The following PTPN13 variants were observed in gnomAD, a reference collection of about 807,000 sequenced individuals.
PTPN13 encodes the protein tyrosine-protein phosphatase non-receptor type 13.
Under a neutral mutation model 284.0 loss-of-function variants are expected in PTPN13, and 191 were observed. That is an observed-to-expected ratio of 0.67 (90% CI 0.60 to 0.76). PTPN13 has a LOEUF of 0.76. PTPN13 is among the 30% of genes least tolerant of loss of function. The pLI, the probability that PTPN13 is intolerant of heterozygous loss-of-function variation, is 0.00. For synonymous variants in PTPN13, 986 were observed against 1,022.3 expected, an observed-to-expected ratio of 0.96 and a Z score of 0.68; for missense variants, 2,797 against 2,939.9, an observed-to-expected ratio of 0.95 and a Z score of 1.12.
chr4:86,683,761 T>C (rs951755376), intron 3 of PTPN13, among the ~76,000 whole-genome samples: 1 of 152,212 alleles, frequency 6.6e-6, no homozygotes, highest in African/African-American at 2.4e-5. Flanking sequence ...ATTATTAACA[T>C]ATAGTAACTC....
chr4:86,765,821 T>C (rs1016507994), intron 26 of PTPN13, among the ~76,000 whole-genome samples: 3 of 151,942 alleles, frequency 2.0e-5, no homozygotes, highest in Non-Finnish European at 4.4e-5. Flanking sequence ...TACACTTGTT[T>C]TTTTTGTTGT....
At chr4:86,760,141 A>G (rs538040019) in intron 23 of PTPN13, among the ~76,000 whole-genome samples, 4 of 152,308 alleles carry the variant, frequency 2.6e-5, no homozygotes, top group Admixed American at 1.3e-4. Flanking sequence ...GTATGTCTGT[A>G]TATGTACACA....
intron 7 of PTPN13, among the ~76,000 whole-genome samples, chr4:86,705,730 T>TA (rs1554316425): frequency 1.3e-5 from 2 of 152,050 alleles, no homozygotes; most frequent in Non-Finnish European, 2.9e-5. Context: ...TAAGATCACA[T>TA]AATGAGTTAA....
rs192691608 is a variant in PTPN13 at position 86,803,190 on chromosome 4, T to C, written c.6506-519T>C. Reference sequence around the variant, plus strand: ...ATATACACATACATACATATATATTTATTGTGTATATATATACACACACAT... The same window carrying C: ...ATATACACATACATACATATATATTCATTGTGTATATATATACACACACAT... On this transcript the variant is annotated intron_variant, in intron 42 of 47. Coordinates refer to ENST00000411767, the MANE Select transcript of PTPN13 (RefSeq NM_080683.3). 6.7e-3 allele frequency among the ~76,000 whole-genome samples: 1,010 copies of C among 151,096 alleles called. 10 individuals are homozygous for C. Among genetic ancestry groups the C allele is most frequent in the African/African-American group, 0.022 (910 of 41,234 alleles).
At chr4:86,618,014 G>T (rs1314700254) in intron 1 of PTPN13, among the ~76,000 whole-genome samples, 1 of 152,042 alleles carries the variant, frequency 6.6e-6, no homozygotes, top group African/African-American at 2.4e-5. Flanking sequence ...CCTATGTCCT[G>T]AATGGTAATA....
At chr4:86,809,174 T>C (rs896992082) in intron 45 of PTPN13, among the ~76,000 whole-genome samples, 6 of 152,140 alleles carry the variant, frequency 3.9e-5, no homozygotes, top group Non-Finnish European at 5.9e-5. Context: ...CTCTGACTTT[T>C]ATCTGAGGTG....
chr4:86,737,657 T>A (rs1735678554), intron 15 of PTPN13, among the ~76,000 whole-genome samples: 1 of 152,116 alleles, frequency 6.6e-6, no homozygotes, highest in South Asian at 2.1e-4. Flanking sequence ...ATAGTGTTTT[T>A]TTTTTTCTAA....
chr4:86,669,691 G>A (rs1727519145), intron 2 of PTPN13, among the ~76,000 whole-genome samples: 2 of 152,094 alleles, frequency 1.3e-5, no homozygotes, highest in Admixed American at 1.3e-4. Flanking sequence ...AAGGAAGAAT[G>A]TAGCAAGCCT....
intron 40 of PTPN13, among the ~76,000 whole-genome samples, chr4:86,794,078 A>T (rs1209618839): frequency 6.6e-6 from 1 of 152,210 alleles, no homozygotes; most frequent in Non-Finnish European, 1.5e-5. Flanking sequence ...TTTTGAAAAT[A>T]TCAACAAAAT....
Position 86,771,202 on chromosome 4 carries a change from C to T in PTPN13, c.4835C>T (p.Pro1612Leu). 6.2e-7 allele frequency: 1 copy of T among 1,611,866 alleles called. No individual in the cohort carries two copies. Reference sequence around the variant, plus strand: ...CTTCAGTCTCCAGCACAAGTACTTCCAAACAGCAGTAAAGACTCTTCTCAG... The same window carrying T: ...CTTCAGTCTCCAGCACAAGTACTTCTAAACAGCAGTAAAGACTCTTCTCAG... ...TPLQSPAQVL[P>L]NSSKDSSQPS... is the part of the protein sequence containing the mutation. The change falls in exon 31 of 48, where the codon CCA becomes CTA. Residue 1612 changes from proline (P) to leucine (L), a missense_variant. Physicochemically the swap from Pro to Leu is moderately conservative, Grantham distance 98 (BLOSUM62 -3). Coordinates refer to ENST00000411767, the MANE Select transcript of PTPN13 (RefSeq NM_080683.3).
At chr4:86,623,588 C>A (rs1721497234) in intron 1 of PTPN13, among the ~76,000 whole-genome samples, 1 of 152,104 alleles carries the variant, frequency 6.6e-6, no homozygotes, top group South Asian at 2.1e-4. Flanking sequence ...ATGCAACTAT[C>A]CTGTGATTGT....
At chr4:86,659,829 A>G (rs1262820441) in intron 2 of PTPN13, among the ~76,000 whole-genome samples, 3 of 151,192 alleles carry the variant, frequency 2.0e-5, no homozygotes, top group Admixed American at 1.3e-4. Flanking sequence ...AACTACAACC[A>G]CAACAACAAC....
At chr4:86,607,815 C>T (rs2149181934) in intron 1 of PTPN13, among the ~76,000 whole-genome samples, 1 of 152,022 alleles carries the variant, frequency 6.6e-6, no homozygotes, top group South Asian at 2.1e-4. Flanking sequence ...TTTCTTTTTT[C>T]AAGGTCTTCC....
At chr4:86,799,034 T>A in intron 41 of PTPN13, 67 bp from the exon 42 acceptor site, 1 of 927,202 alleles carries the variant, frequency 1.1e-6, no homozygotes, top group Non-Finnish European at 1.6e-6. Context: ...GAGAAAATCA[T>A]TCAGGGCCAT....
At chr4:86,799,390 A>G (rs1027133283) in intron 42 of PTPN13, among the ~76,000 whole-genome samples, 186 bp downstream of exon 42, 16 of 118,216 alleles carry the variant, frequency 1.4e-4, no homozygotes, top group Non-Finnish European at 1.9e-4. Context: ...CACTACAACC[A>G]CCACCTCCCC....
chr4:86,639,841 A>C (rs1723558789), intron 2 of PTPN13, among the ~76,000 whole-genome samples: 1 of 151,972 alleles, frequency 6.6e-6, no homozygotes, highest in South Asian at 2.1e-4. Flanking sequence ...AAAAAAATGC[A>C]ACAGTAAAAC....
chr4:86,773,011 T>A, intron 32 of PTPN13, 53 bp downstream of exon 32: 7 of 1,331,082 alleles, frequency 5.3e-6, no homozygotes, highest in Non-Finnish European at 7.0e-6. Context: ...TAAAAGAAGG[T>A]GTGTTCATAA....
intron 1 of PTPN13, among the ~76,000 whole-genome samples, chr4:86,615,533 G>A (rs564550934): frequency 1.3e-5 from 2 of 152,080 alleles, no homozygotes; most frequent in African/African-American, 4.8e-5. Flanking sequence ...ATTAATTTGC[G>A]TTCATTATAG....
intron 42 of PTPN13, among the ~76,000 whole-genome samples, chr4:86,802,555 C>T (rs1030952524): frequency 2.0e-5 from 3 of 152,112 alleles, no homozygotes; most frequent in Non-Finnish European, 4.4e-5. Context: ...AACTTCTGAA[C>T]GTCAGTGAGG....
Sources: allele counts gnomAD v4.1 joint callset (sites outside exome capture counted in the v4.1 genomes callset), GRCh38; gene constraint gnomAD v4.1.1; transcripts MANE v1.5; gene names NCBI Gene and HGNC (gene_info 2026-07-23, HGNC 2026-07-21).